Variants in SMTNL1 observed in about 807,000 individuals in gnomAD.
SMTNL1 encodes smoothelin-like protein 1.
A neutral mutation model predicts 46.6 loss-of-function variants in SMTNL1; 41 were observed. The observed-to-expected ratio is 0.88, with a 90% CI of 0.69 to 1.14. SMTNL1 has a LOEUF of 1.14. Ranked by LOEUF, SMTNL1 falls within the 50% of genes most tolerant of loss-of-function variation. SMTNL1 has a pLI of 0.00. For synonymous variants in SMTNL1, 234 were observed against 234.2 expected (o/e 1.00, Z 0.01); for missense variants, 591 against 626.1 (o/e 0.94, Z 0.60).
At chr11:57,542,444 C>A (rs1408500662) in intron 1 of SMTNL1, among the ~76,000 whole-genome samples, 197 bp from the exon 2 acceptor site, 1 of 152,222 alleles carries the variant, frequency 6.6e-6, no homozygotes. Flanking sequence ...CACCATCCAA[C>A]GTCATGTCAA....
chr11:57,546,222 T>C lies in SMTNL1; in HGVS notation c.1074-11T>C, dbSNP rs1590803981. The C allele has an allele frequency of 6.3e-7, 1 of 1,584,766 alleles. No homozygotes were observed. Among genetic ancestry groups the C allele is most frequent in the East Asian group, 2.3e-5 (1 of 43,592 alleles). On this transcript the variant is annotated splice_polypyrimidine_tract_variant and intron_variant, in intron 5 of 7. Coordinates refer to ENST00000527972, the MANE Select transcript of SMTNL1 (RefSeq NM_001105565.3). ...TCTCTGGCTTGGCCTTGCACCCCTC[T>C]CCCCTCACAGGGCAGCTTCCGGCCC...
intron 7 of SMTNL1, among the ~76,000 whole-genome samples, chr11:57,547,401 G>A (rs1186179419): frequency 2.0e-5 from 3 of 152,246 alleles, no homozygotes; most frequent in Non-Finnish European, 4.4e-5. Flanking sequence ...TCGTGGGGAT[G>A]TGTGGAGAAG....
At chr11:57,538,513 C>CT (rs1462176709) in intron 1 of SMTNL1, among the ~76,000 whole-genome samples, 1 of 152,188 alleles carries the variant, frequency 6.6e-6, no homozygotes, top group African/African-American at 2.4e-5. Flanking sequence ...TACTGTGCAC[C>CT]TAGAAGAAAG....
intron 4 of SMTNL1, among the ~76,000 whole-genome samples, chr11:57,544,360 A>G (rs1458196545): frequency 6.6e-6 from 1 of 152,230 alleles, no homozygotes; most frequent in African/African-American, 2.4e-5. Context: ...AGCCTGGGCG[A>G]CAGAGCAAGA....
chr11:57,549,904 A>T, intron 7 of SMTNL1, 64 bp from the exon 8 acceptor site: 1 of 1,583,200 alleles, frequency 6.3e-7, no homozygotes. Flanking sequence ...GCCTGCACCC[A>T]TCCCCTTGGC....
chr11:57,545,799 CCT>C, intron 4 of SMTNL1, 80 bp from the exon 5 acceptor site: 6 of 1,279,252 alleles, frequency 4.7e-6, no homozygotes, highest in African/African-American at 1.5e-5. Flanking sequence ...TGCCACCCAC[CCT>C]CCAGCCCCAC....
At chr11:57,549,125 G>A (rs1419191251) in intron 7 of SMTNL1, among the ~76,000 whole-genome samples, 11 of 151,200 alleles carry the variant, frequency 7.3e-5, no homozygotes, top group Non-Finnish European at 1.5e-5. Flanking sequence ...TCCTGGGTTC[G>A]AGTGATTCTC....
At chr11:57,544,665 A>G (rs910004595) in intron 4 of SMTNL1, among the ~76,000 whole-genome samples, 1 of 152,136 alleles carries the variant, frequency 6.6e-6, no homozygotes. Flanking sequence ...AATTGTATCT[A>G]CCTCGTAGGA....
Position 57,550,140 on chromosome 11 carries a change from T to A in SMTNL1, c.*28T>A. 1 of 1,595,764 alleles carries A rather than the reference T, an allele frequency of 6.3e-7. No homozygotes were observed. The highest frequency in any genetic ancestry group is 8.5e-7 in the Non-Finnish European group (1 of 1,170,418). ...AGGTGACTGGCTCTGTGGGCAGAGA[T>A]GGGCAGGGTGCCCAGCTCAGCAGCC... On this transcript the variant is annotated 3_prime_UTR_variant, in exon 8 of 8. Coordinates refer to ENST00000527972, the MANE Select transcript of SMTNL1 (RefSeq NM_001105565.3).
Position 57,543,157 on chromosome 11 carries a change from A to G in SMTNL1, c.515A>G (p.Lys172Arg). The change falls in exon 2 of 8, where the codon AAG (lysine) becomes AGG (arginine). Residue 172 changes from lysine to arginine, a missense_variant. Lys to Arg is a conservative substitution (Grantham distance 26, BLOSUM62 2). Coordinates refer to ENST00000527972, the MANE Select transcript of SMTNL1 (RefSeq NM_001105565.3). ...PKATVEEEDA[K>R]TASQEETGQR... Reference sequence around the variant, plus strand: ...GCAACAGTTGAGGAGGAGGACGCCAAGACAGCCTCTCAGGAGGAGACAGGC... The same window carrying G: ...GCAACAGTTGAGGAGGAGGACGCCAGGACAGCCTCTCAGGAGGAGACAGGC... 1 of 1,613,748 alleles carries G rather than the reference A, an allele frequency of 6.2e-7. No homozygotes were observed. Among genetic ancestry groups the G allele is most frequent in the Non-Finnish European group, 8.5e-7 (1 of 1,179,758 alleles).
chr11:57,542,577 G>A lies in SMTNL1; in HGVS notation c.-2-64G>A, dbSNP rs957734515. 5.9e-6 allele frequency: 9 copies of A among 1,516,510 alleles called. No individual in the cohort carries two copies. The Admixed American group carries it at 1.8e-4, about 30-fold the overall frequency. The allele number at this position is 1,516,510 out of a possible 1,614,324, so 93.9% of individuals were successfully genotyped here. A position where few individuals can be genotyped will look rare whatever the true frequency, so the allele number is the denominator to read the frequency against. Reference sequence around the variant, plus strand: ...TGACTCCCAGGCCAGAGCTCTCTGAGGGTGGGGTCTTCACCTCATGCTGGG... The same window carrying A: ...TGACTCCCAGGCCAGAGCTCTCTGAAGGTGGGGTCTTCACCTCATGCTGGG... On this transcript the variant is annotated intron_variant, in intron 1 of 7. Coordinates refer to ENST00000527972, the MANE Select transcript of SMTNL1 (RefSeq NM_001105565.3).
At chr11:57,541,454 T>C in intron 1 of SMTNL1, 1 of 1,362,836 alleles carries the variant, frequency 7.3e-7, no homozygotes, top group South Asian at 1.1e-5. Context: ...TCCTCCAGTA[T>C]ATACAGTACT....
In SMTNL1 at chr11:57,542,135, C is replaced by A. The variant is rs571028184; in HGVS notation, c.-2-506C>A. 8.6e-3 allele frequency among the ~76,000 whole-genome samples: 1,282 copies of A among 148,496 alleles called. 16 individuals carry two copies. The highest frequency in any genetic ancestry group is 0.023 in the African/African-American group (930 of 40,066). On this transcript the variant is annotated intron_variant, in intron 1 of 7. Coordinates refer to ENST00000527972, the MANE Select transcript of SMTNL1 (RefSeq NM_001105565.3). ...AAAAACACACACACACACACACACACACACACACAAAAATTAGCCAGGTGT... is the reference window on the plus strand; with the variant it reads ...AAAAACACACACACACACACACACAAACACACACAAAAATTAGCCAGGTGT...
Position 57,542,555 on chromosome 11 carries a change from C to G in SMTNL1, c.-2-86C>G, listed in dbSNP as rs530765931. On this transcript the variant is annotated intron_variant, in intron 1 of 7. Transcript: ENST00000527972. ...CAAGACTGAACCACGGACTTCCTGA[C>G]TCCCAGGCCAGAGCTCTCTGAGGGT... 44 of 1,467,894 alleles carry G rather than the reference C, an allele frequency of 3.0e-5. No homozygotes were observed. The African/African-American group carries it at 4.2e-4, about 14-fold the overall frequency. The allele number at this position is 1,467,894 out of a possible 1,614,324, so 90.9% of individuals were successfully genotyped here.
At chr11:57,542,469 C>T (rs1049169846) in intron 1 of SMTNL1, among the ~76,000 whole-genome samples, 172 bp from the exon 2 acceptor site, 3 of 152,202 alleles carry the variant, frequency 2.0e-5, no homozygotes, top group Non-Finnish European at 4.4e-5. Flanking sequence ...GCCCAACCAT[C>T]CCAGCTTTGG....
rs1944918444 is a variant in SMTNL1 at position 57,545,958 on chromosome 11, A to G, written c.995A>G (p.Glu332Gly). 1.2e-6 allele frequency: 2 copies of G among 1,613,492 alleles called. No individual in the cohort carries two copies. Among genetic ancestry groups the G allele is most frequent in the African/African-American group, 2.7e-5 (2 of 74,938 alleles). ...SSGEKKEKAP[E>G]RRVSAPARPR... ...GGGGAGAAGAAGGAGAAGGCACCAG[A>G]GCGCAGGGTATCAGCCCCTGCTCGG... Residue 332 changes from glutamate to glycine, a missense_variant, in exon 5 of 8, where the codon GAG becomes GGG. By Grantham distance (98) the Glu-to-Gly change is moderately conservative. Transcript: ENST00000527972.
rs1944893379 is a variant in SMTNL1 at position 57,543,136 on chromosome 11, C to T, written c.494C>T (p.Thr165Ile). 6.2e-7 allele frequency: 1 copy of T among 1,613,264 alleles called. No homozygotes were observed. Among genetic ancestry groups the T allele is most frequent in the Non-Finnish European group, 8.5e-7 (1 of 1,179,562 alleles). ...NDRDKPEPKA[T>I]VEEEDAKTAS... ...AGAGACAAGCCTGAACCTAAGGCAA[C>T]AGTTGAGGAGGAGGACGCCAAGACA... is the stretch of plus-strand genomic sequence containing the variant. The change falls in exon 2 of 8, where the codon ACA (threonine) becomes ATA (isoleucine). Residue 165 changes from threonine (T) to isoleucine (I), a missense_variant. Coordinates refer to ENST00000527972, the MANE Select transcript of SMTNL1 (RefSeq NM_001105565.3).
intron 4 of SMTNL1, among the ~76,000 whole-genome samples, chr11:57,545,530 G>A (rs531948448): frequency 6.6e-6 from 1 of 151,628 alleles, no homozygotes; most frequent in African/African-American, 2.4e-5. Context: ...GCTTGAACCC[G>A]GGAGGTGGAG....
chr11:57,543,451 G>C, intron 2 of SMTNL1, 77 bp downstream of exon 2: 1 of 1,551,882 alleles, frequency 6.4e-7, no homozygotes. Flanking sequence ...GCTTCAGTCA[G>C]TTGGGAAAGT....
Sources: gnomAD v4.1 joint callset for allele counts (sites outside exome capture counted in the v4.1 genomes callset) on GRCh38, gnomAD v4.1.1 for gene constraint, MANE v1.5 for transcripts, NCBI Gene and HGNC (gene_info 2026-07-23, HGNC 2026-07-21) for gene names.